The following CTCF variants were observed in gnomAD, a reference collection of about 807,000 sequenced individuals.
CTCF encodes transcriptional repressor CTCF.
A neutral mutation model predicts 72.3 loss-of-function variants in CTCF; 7 were observed. That is an observed-to-expected ratio of 0.10 (90% confidence interval 0.06 to 0.18). The LOEUF is 0.18. Among genes scored for constraint, CTCF ranks in the 10% least tolerant of loss-of-function variants. The pLI, the probability that CTCF is intolerant of heterozygous loss-of-function variation, is 1.00. For missense variants in CTCF, 516 were observed against 949.1 expected, an observed-to-expected ratio of 0.54 and a Z score of 6.00; for synonymous variants, 374 against 315.8, an observed-to-expected ratio of 1.18 and a Z score of -1.95.
chr16:67,579,998 G>A (rs2051558325), intron 2 of CTCF, among the ~76,000 whole-genome samples: 2 of 152,092 alleles, frequency 1.3e-5, no homozygotes, highest in Admixed American at 1.3e-4. Flanking sequence ...TCAGCATGGT[G>A]GTTTCAGAAG....
At position 67,629,542 on chromosome 16, in the gene CTCF, C is replaced by T. The variant is rs1282365427; in HGVS notation, c.1837+9C>T. 1.2e-6 allele frequency: 2 copies of T among 1,612,072 alleles called. No homozygotes were observed. Among genetic ancestry groups the T allele is most frequent in the Admixed American group, 1.7e-5 (1 of 59,634 alleles). ...AGATTCCTCTGACAGTGGTAAGTGA[C>T]TTGTTCCTTGATTTGCTTACTATGG... On this transcript the variant is annotated intron_variant, in intron 10 of 11. Transcript: ENST00000264010.
At chr16:67,583,683 T>G (rs1382677423) in intron 2 of CTCF, among the ~76,000 whole-genome samples, 1 of 150,304 alleles carries the variant, frequency 6.7e-6, no homozygotes, top group Non-Finnish European at 1.5e-5. Context: ...TGAGTTTTGG[T>G]CTCAAAAAAA....
intron 2 of CTCF, among the ~76,000 whole-genome samples, chr16:67,604,920 GT>G (rs1458758423): frequency 1.4e-5 from 2 of 141,588 alleles, no homozygotes; most frequent in African/African-American, 5.3e-5. Context: ...ATTAATTATA[GT>G]TAGGATTATG....
intron 2 of CTCF, among the ~76,000 whole-genome samples, chr16:67,594,409 A>AT (rs2051784745): frequency 6.6e-6 from 1 of 151,694 alleles, no homozygotes; most frequent in African/African-American, 2.4e-5. Context: ...AGGTGTAAGA[A>AT]TTGACACAGG....
Position 67,584,337 on chromosome 16 carries a change from C to CTTTT in CTCF, c.-10+13091_-10+13094dup, listed in dbSNP as rs904086024. ...CTCCTTCTCAAAAAAAAAAAGTCTT[C>CTTTT]TTTTTTTTTTTTTTTTTTTTTGAGA... On this transcript the variant is annotated intron_variant, in intron 2 of 11. Transcript: ENST00000264010. 6.7e-3 allele frequency among the ~76,000 whole-genome samples: 705 copies of CTTTT among 105,798 alleles called. 17 individuals carry two copies. Among genetic ancestry groups the CTTTT allele is most frequent in the African/African-American group, 0.026 (601 of 23,500 alleles). 69.4% of individuals were successfully genotyped at this position (105,798 alleles called of 152,430 possible). A position where few individuals can be genotyped will look rare whatever the true frequency, so the allele number is the denominator to read the frequency against.
At chr16:67,622,561 G>T (rs1323810144) in intron 7 of CTCF, among the ~76,000 whole-genome samples, 4 of 151,868 alleles carry the variant, frequency 2.6e-5, no homozygotes, top group Non-Finnish European at 5.9e-5. Flanking sequence ...TTCTTGTCAG[G>T]TGTGCTCCAG....
At chr16:67,582,902 A>G (rs2142746109) in intron 2 of CTCF, among the ~76,000 whole-genome samples, 1 of 152,002 alleles carries the variant, frequency 6.6e-6, no homozygotes, top group Admixed American at 6.6e-5. Flanking sequence ...AGATTATCCT[A>G]TCACGTATAT....
chr16:67,625,344 A>T (rs1181853806), intron 7 of CTCF, among the ~76,000 whole-genome samples: 2 of 152,056 alleles, frequency 1.3e-5, no homozygotes, highest in Non-Finnish European at 2.9e-5. Flanking sequence ...GTTTACAGGC[A>T]TACACCACCA....
intron 2 of CTCF, among the ~76,000 whole-genome samples, chr16:67,583,209 A>G (rs2051614338): frequency 6.6e-6 from 1 of 150,760 alleles, no homozygotes; most frequent in Non-Finnish European, 1.5e-5. Context: ...TGGTCTCTTA[A>G]CTCCTGACCT....
chr16:67,618,009 A>G (rs78948691), intron 5 of CTCF, among the ~76,000 whole-genome samples: 4,529 of 152,320 alleles, frequency 0.03, 211 homozygotes, highest in African/African-American at 0.1. Context: ...ATTGAAGAAA[A>G]ACCATATTAT....
intron 4 of CTCF, among the ~76,000 whole-genome samples, chr16:67,614,061 T>C (rs981631000): frequency 6.6e-5 from 10 of 152,068 alleles, no homozygotes; most frequent in African/African-American, 2.4e-4. Flanking sequence ...TACGATGCTG[T>C]AGCAGCCGGG....
At chr16:67,564,668 A>T (rs1420873768) in intron 1 of CTCF, among the ~76,000 whole-genome samples, 1 of 152,236 alleles carries the variant, frequency 6.6e-6, no homozygotes, top group Non-Finnish European at 1.5e-5. Flanking sequence ...GTGGTTAAGT[A>T]GCATGTTTTA....
chr16:67,621,572 A>G lies in CTCF; in HGVS notation c.1338A>G (p.Ile446Met). The change falls in exon 7 of 12, where the codon ATA (isoleucine) becomes ATG (methionine). Residue 446 changes from isoleucine (I) to methionine (M), a missense_variant. Transcript: ENST00000264010. ...ACTGTCCCCACTGTGACACAGTCAT[A>G]GCCCGAAAAAGTGATTTGGGTAAGT... ...KFHCPHCDTV[I>M]ARKSDLGVHL... The G allele has an allele frequency of 6.2e-7, 1 of 1,607,244 alleles. No individual in the cohort carries two copies. The highest frequency in any genetic ancestry group is 8.5e-7 in the Non-Finnish European group (1 of 1,174,304).
chr16:67,598,857 C>T (rs986657161), intron 2 of CTCF, among the ~76,000 whole-genome samples: 3 of 152,320 alleles, frequency 2.0e-5, no homozygotes, highest in East Asian at 1.9e-4. Flanking sequence ...AGAAAAGCCT[C>T]GGTGGATTTA....
intron 2 of CTCF, among the ~76,000 whole-genome samples, chr16:67,582,360 T>G (rs935554721): frequency 1.3e-5 from 2 of 152,064 alleles, no homozygotes; most frequent in Non-Finnish European, 2.9e-5. Context: ...CTCTAGTATG[T>G]TGTTTCTACC....
At chr16:67,572,740 G>C (rs1281791623) in intron 2 of CTCF, 1 of 152,206 alleles carries the variant, frequency 6.6e-6, no homozygotes, top group South Asian at 2.1e-4. Context: ...AGGAGTTCCA[G>C]ACCAGCCTGG....
chr16:67,611,917 T>G (rs1442043761), intron 3 of CTCF, 34 bp from the exon 4 acceptor site: 1 of 1,594,476 alleles, frequency 6.3e-7, no homozygotes, highest in East Asian at 2.2e-5. Context: ...ACTTTGAAAC[T>G]CTGCAGCAAG....
chr16:67,566,800 C>T (rs1421960174), intron 1 of CTCF, among the ~76,000 whole-genome samples: 2 of 152,006 alleles, frequency 1.3e-5, no homozygotes, highest in Admixed American at 6.6e-5. Flanking sequence ...AGGATGGTTT[C>T]GATCTCCTGA....
At chr16:67,576,347 G>A (rs2051496160) in intron 2 of CTCF, among the ~76,000 whole-genome samples, 1 of 151,978 alleles carries the variant, frequency 6.6e-6, no homozygotes, top group African/African-American at 2.4e-5. Flanking sequence ...AACAGACGTG[G>A]AAATCATCAG....
Sources: gnomAD v4.1 joint callset for allele counts (sites outside exome capture counted in the v4.1 genomes callset) on GRCh38, gnomAD v4.1.1 for gene constraint, MANE v1.5 for transcripts, NCBI Gene and HGNC (gene_info 2026-07-23, HGNC 2026-07-21) for gene names.